NRXN3: variants seen among roughly 807,000 people sequenced by gnomAD.
NRXN3 encodes the protein neurexin 3, also known as neurexin III.
NRXN3 carries 32 observed loss-of-function variants against 137.6 expected under a neutral mutation model. That is an observed-to-expected ratio of 0.23 (90% CI 0.18 to 0.31). The LOEUF (loss-of-function observed/expected upper bound fraction) is 0.31, where lower values mean the gene tolerates loss of function less well. Among genes scored for constraint, NRXN3 ranks in the 10% least tolerant of loss-of-function variants. NRXN3 has a pLI of 1.00. For synonymous variants in NRXN3, 798 were observed against 784.5 expected (o/e 1.02, Z -0.29); for missense variants, 1,574 against 2,062.5 (o/e 0.76, Z 4.59).
chr14:78,569,801 C>G (rs190454659), intron 4 of NRXN3, among the ~76,000 whole-genome samples: 1 of 152,056 alleles, frequency 6.6e-6, no homozygotes, highest in African/African-American at 2.4e-5. Context: ...CTCAAGTGAT[C>G]TACCCGCCTC....
At chr14:79,628,950 A>T (rs368921875) in intron 16 of NRXN3, among the ~76,000 whole-genome samples, 31 of 152,282 alleles carry the variant, frequency 2.0e-4, no homozygotes, top group Middle Eastern at 3.4e-3. Context: ...GAAGGAATTC[A>T]CCCATCAGAT....
chr14:78,486,288 G>A (rs1006476957), intron 4 of NRXN3, among the ~76,000 whole-genome samples: 5 of 152,186 alleles, frequency 3.3e-5, no homozygotes, highest in Admixed American at 3.3e-4. Flanking sequence ...GGTAGATGGT[G>A]AATGTTTTAC....
At chr14:78,445,050 T>A (rs2094380075) in intron 4 of NRXN3, among the ~76,000 whole-genome samples, 1 of 151,942 alleles carries the variant, frequency 6.6e-6, no homozygotes. Flanking sequence ...AGAAATTATA[T>A]CTGTTCTTAA....
At position 79,797,608 on chromosome 14, in the gene NRXN3, A is replaced by G. The variant is rs181320693; in HGVS notation, c.4015-7504A>G. On this transcript the variant is annotated intron_variant, in intron 19 of 20. Coordinates refer to ENST00000335750, the MANE Select transcript of NRXN3 (RefSeq NM_001330195.2). ...AACAATGTCAGTGGCTTTCAAAGGT[A>G]ACTATAAATGGGATGTTTAATCAGA... is the stretch of plus-strand genomic sequence containing the variant. Among the ~76,000 whole-genome samples, 17 of 152,290 alleles carry G rather than the reference A, an allele frequency of 1.1e-4. No individual in the cohort carries two copies. In the East Asian group the frequency reaches 2.9e-3, roughly 26 times the overall value.
intron 4 of NRXN3, among the ~76,000 whole-genome samples, chr14:78,465,340 A>G (rs1460451286): frequency 2.0e-5 from 3 of 152,232 alleles, no homozygotes; most frequent in Admixed American, 1.3e-4. Flanking sequence ...AATCAGAGCC[A>G]TTAAAAATTA....
At chr14:78,867,143 T>A (rs555840443) in intron 10 of NRXN3, among the ~76,000 whole-genome samples, 20 of 152,154 alleles carry the variant, frequency 1.3e-4, no homozygotes, top group Admixed American at 3.9e-4. Context: ...CTTTATGGTA[T>A]TCTTATCATA....
At chr14:79,583,439 C>CT (rs1273471490) in intron 16 of NRXN3, among the ~76,000 whole-genome samples, 1 of 151,648 alleles carries the variant, frequency 6.6e-6, no homozygotes, top group South Asian at 2.1e-4. Flanking sequence ...TTCTTCTATA[C>CT]TTTTTTTTTA....
intron 4 of NRXN3, among the ~76,000 whole-genome samples, chr14:78,476,174 A>G (rs1267301581): frequency 6.6e-6 from 1 of 152,260 alleles, no homozygotes; most frequent in African/African-American, 2.4e-5. Context: ...TACAGTGATA[A>G]GACAAGTTTT....
At chr14:78,416,906 C>G (rs1242286489) in intron 4 of NRXN3, among the ~76,000 whole-genome samples, 1 of 152,206 alleles carries the variant, frequency 6.6e-6, no homozygotes, top group Non-Finnish European at 1.5e-5. Flanking sequence ...CCTAGCAATT[C>G]TATTAGGTGA....
Position 79,456,069 on chromosome 14 carries a change from T to G in NRXN3, c.3263-11152T>G, listed in dbSNP as rs550565683. Among the ~76,000 whole-genome samples, 4 of 152,330 alleles carry G rather than the reference T, an allele frequency of 2.6e-5. No individual in the cohort carries two copies. In the South Asian group the frequency reaches 8.3e-4, roughly 32 times the overall value. Reference sequence around the variant, plus strand: ...CATTAATACTCTAATTATTAGGTTTTGGTCTTTTTTACTGTATATTTTAAG... The same window carrying G: ...CATTAATACTCTAATTATTAGGTTTGGGTCTTTTTTACTGTATATTTTAAG... On this transcript the variant is annotated intron_variant, in intron 15 of 20. Transcript: ENST00000335750.
At chr14:78,483,196 C>CA (rs1357299403) in intron 4 of NRXN3, among the ~76,000 whole-genome samples, 1 of 152,106 alleles carries the variant, frequency 6.6e-6, no homozygotes, top group Non-Finnish European at 1.5e-5. Context: ...AACAAAACCC[C>CA]AAAAAACCCC....
At chr14:79,694,237 C>T (rs1223953752) in intron 18 of NRXN3, among the ~76,000 whole-genome samples, 1 of 151,858 alleles carries the variant, frequency 6.6e-6, no homozygotes, top group African/African-American at 2.4e-5. Context: ...TCAGATTTCC[C>T]ATCTGAGGAC....
intron 19 of NRXN3, among the ~76,000 whole-genome samples, chr14:79,754,507 T>G (rs971325318): frequency 5.2e-3 from 1 of 194 alleles, no homozygotes; most frequent in East Asian, 0.25. Flanking sequence ...TCTCTTGATA[T>G]ATATATATAT....
intron 18 of NRXN3, among the ~76,000 whole-genome samples, chr14:79,694,522 C>CAT (rs35732903): frequency 2.3e-4 from 35 of 151,342 alleles, no homozygotes; most frequent in African/African-American, 4.1e-4. Flanking sequence ...TAAATATGCA[C>CAT]ATATATATAT....
intron 15 of NRXN3, among the ~76,000 whole-genome samples, chr14:79,130,319 G>A (rs1284537395): frequency 1.3e-5 from 2 of 152,120 alleles, no homozygotes; most frequent in East Asian, 1.9e-4. Flanking sequence ...GCTGGTATCA[G>A]TTGTTCCTTT....
In NRXN3 at chr14:78,844,553, T is replaced by C. The variant is rs546688750; in HGVS notation, c.2275+34209T>C. 2.7e-4 allele frequency among the ~76,000 whole-genome samples: 41 copies of C among 152,210 alleles called. No homozygotes were observed. The East Asian group carries it at 7.0e-3, about 26-fold the overall frequency. On this transcript the variant is annotated intron_variant, in intron 10 of 20. Coordinates refer to ENST00000335750, the MANE Select transcript of NRXN3 (RefSeq NM_001330195.2). Reference sequence around the variant, plus strand: ...TAAAATGAGAATAATAACGCCTAATTTACAGGGTTATAATAAGAAATAAAA... The same window carrying C: ...TAAAATGAGAATAATAACGCCTAATCTACAGGGTTATAATAAGAAATAAAA...
At chr14:78,438,840 A>G (rs1262230377) in intron 4 of NRXN3, among the ~76,000 whole-genome samples, 1 of 152,000 alleles carries the variant, frequency 6.6e-6, no homozygotes, top group Non-Finnish European at 1.5e-5. Flanking sequence ...AAGGATTTCA[A>G]TGAGAGGGTT....
At chr14:79,149,096 G>A (rs916137068) in intron 15 of NRXN3, among the ~76,000 whole-genome samples, 10 of 152,088 alleles carry the variant, frequency 6.6e-5, no homozygotes, top group African/African-American at 2.4e-4. Context: ...CATTTTACAA[G>A]TGTTTCAGTA....
intron 8 of NRXN3, among the ~76,000 whole-genome samples, chr14:78,796,142 G>A (rs1474085200): frequency 6.6e-6 from 1 of 152,178 alleles, no homozygotes; most frequent in Admixed American, 6.5e-5. Context: ...TCCAGCCCCC[G>A]TTTATAGGGT....
Sources: gnomAD v4.1 joint callset for allele counts (sites outside exome capture counted in the v4.1 genomes callset) on GRCh38, gnomAD v4.1.1 for gene constraint, MANE v1.5 for transcripts, NCBI Gene and HGNC (gene_info 2026-07-23, HGNC 2026-07-21) for gene names.